MICU1: variants seen among roughly 807,000 people sequenced by gnomAD.
MICU1 encodes mitochondrial calcium uptake 1.
MICU1 carries 45 observed loss-of-function variants against 56.8 expected under a neutral mutation model. That is an observed-to-expected ratio of 0.79 (90% CI 0.62 to 1.02). The LOEUF is 1.02. Ranked by LOEUF, MICU1 falls within the 50% of genes least tolerant of loss-of-function variation. The probability of loss-of-function intolerance (pLI) is 0.00; values close to 1 mark genes in which losing one functional copy is unlikely to be tolerated. For missense variants in MICU1, 504 were observed against 587.1 expected, an observed-to-expected ratio of 0.86 and a Z score of 1.46; for synonymous variants, 186 against 195.1, an observed-to-expected ratio of 0.95 and a Z score of 0.39.
chr10:72,420,132 T>C (rs1041311099), intron 9 of MICU1, among the ~76,000 whole-genome samples: 2 of 152,212 alleles, frequency 1.3e-5, no homozygotes, highest in Non-Finnish European at 2.9e-5. Flanking sequence ...CGATCTCGGC[T>C]CACCGCAACC....
intron 1 of MICU1, among the ~76,000 whole-genome samples, chr10:72,598,681 C>A (rs1191952280): frequency 1.3e-5 from 2 of 151,964 alleles, no homozygotes; most frequent in African/African-American, 4.8e-5. Context: ...AGAGGAAATC[C>A]TGACAATGGT....
At chr10:72,549,976 T>C (rs1839994090) in intron 4 of MICU1, among the ~76,000 whole-genome samples, 1 of 150,260 alleles carries the variant, frequency 6.7e-6, no homozygotes, top group Admixed American at 6.6e-5. Context: ...CCTACTCCTA[T>C]ACCATATACA....
chr10:72,418,919 C>T (rs11000293), intron 9 of MICU1, among the ~76,000 whole-genome samples: 79,239 of 151,994 alleles, frequency 0.52, 22,158 homozygotes, highest in Non-Finnish European at 0.65. Context: ...ATCTTAATCT[C>T]GTTGCTAACA....
intron 8 of MICU1, among the ~76,000 whole-genome samples, chr10:72,435,661 C>CT (rs2132167951): frequency 6.6e-6 from 1 of 152,322 alleles, no homozygotes; most frequent in African/African-American, 2.4e-5. Context: ...GACAGACTGC[C>CT]TGGAAAAACG....
At chr10:72,382,690 C>A (rs1862755692) in intron 10 of MICU1, among the ~76,000 whole-genome samples, 4 of 152,108 alleles carry the variant, frequency 2.6e-5, no homozygotes, top group Admixed American at 2.6e-4. Context: ...AGGCAGATCA[C>A]CCGAGCTTAG....
At chr10:72,616,234 T>C (rs1330041306) in intron 1 of MICU1, among the ~76,000 whole-genome samples, 1 of 152,192 alleles carries the variant, frequency 6.6e-6, no homozygotes, top group African/African-American at 2.4e-5. Flanking sequence ...GTGTGCTTTC[T>C]TGTATTCCTA....
chr10:72,530,167 A>C (rs922405630), intron 5 of MICU1, among the ~76,000 whole-genome samples: 1 of 151,096 alleles, frequency 6.6e-6, no homozygotes, highest in Non-Finnish European at 1.5e-5. Context: ...GTCTCTACTA[A>C]AAATACAAAA....
At chr10:72,593,037 C>T (rs539347544) in intron 1 of MICU1, among the ~76,000 whole-genome samples, 4 of 151,970 alleles carry the variant, frequency 2.6e-5, no homozygotes, top group East Asian at 2.0e-4. Context: ...CCACCCACTT[C>T]GCCCTCCCAA....
chr10:72,520,863 T>C (rs1253661908), intron 5 of MICU1, among the ~76,000 whole-genome samples: 1 of 152,116 alleles, frequency 6.6e-6, no homozygotes, highest in African/African-American at 2.4e-5. Context: ...AACGAGGTAT[T>C]ATCAAAACTC....
intron 6 of MICU1, among the ~76,000 whole-genome samples, chr10:72,503,911 G>A (rs931440368): frequency 6.7e-6 from 1 of 149,446 alleles, no homozygotes; most frequent in African/African-American, 2.5e-5. Flanking sequence ...TACACCCTAG[G>A]AATATACGTG....
intron 4 of MICU1, among the ~76,000 whole-genome samples, chr10:72,550,145 G>A (rs1405309737): frequency 1.3e-5 from 2 of 152,146 alleles, no homozygotes; most frequent in East Asian, 3.9e-4. Flanking sequence ...TAAATTTAGT[G>A]TAGTCTAAGT....
At chr10:72,573,108 C>T (rs1295808049) in intron 1 of MICU1, among the ~76,000 whole-genome samples, 1 of 151,332 alleles carries the variant, frequency 6.6e-6, no homozygotes, top group African/African-American at 2.4e-5. Flanking sequence ...AAAGCAATAC[C>T]ACATAGCAAT....
At chr10:72,480,843 TTA>T (rs1866272010) in intron 6 of MICU1, among the ~76,000 whole-genome samples, 1 of 152,178 alleles carries the variant, frequency 6.6e-6, no homozygotes, top group Non-Finnish European at 1.5e-5. Context: ...ACTGAATGAG[TTA>T]TTCTAGCATA....
At position 72,484,206 on chromosome 10, in the gene MICU1, G is replaced by T. The variant is rs549411745; in HGVS notation, c.653-6950C>A. Among the ~76,000 whole-genome samples the T allele has an allele frequency of 2.6e-5, 4 of 152,290 alleles. No individual in the cohort carries two copies. In the South Asian group the frequency reaches 8.3e-4, roughly 32 times the overall value. On this transcript the variant is annotated intron_variant, in intron 6 of 11. Transcript: ENST00000361114. ...TCCCATATGATGTGCAATTTGAAAT[G>T]ATAAAATGGCAAGAAGTTTACATGG...
chr10:72,489,647 T>C (rs1866590550), intron 6 of MICU1, among the ~76,000 whole-genome samples: 1 of 152,228 alleles, frequency 6.6e-6, no homozygotes, highest in South Asian at 2.1e-4. Context: ...TTTTTATATT[T>C]AAAACCCATC....
chr10:72,488,106 T>C (rs998859679), intron 6 of MICU1, among the ~76,000 whole-genome samples: 1 of 151,388 alleles, frequency 6.6e-6, no homozygotes, highest in Non-Finnish European at 1.5e-5. Flanking sequence ...TGAGGCAGAA[T>C]TGCTTGAACC....
At chr10:72,403,876 C>T (rs879782891) in intron 10 of MICU1, among the ~76,000 whole-genome samples, 3 of 151,810 alleles carry the variant, frequency 2.0e-5, no homozygotes, top group East Asian at 3.9e-4. Flanking sequence ...AGGATGGTCT[C>T]GATCTCCTGA....
chr10:72,500,283 TATATATATATATATATA>T (rs1867003842), intron 6 of MICU1, among the ~76,000 whole-genome samples: 2 of 10,044 alleles, frequency 2.0e-4, no homozygotes, highest in African/African-American at 3.6e-4. Flanking sequence ...TATATATATA[TATATATATATATATATA>T]TATTTTTTTT....
intron 10 of MICU1, among the ~76,000 whole-genome samples, chr10:72,384,182 A>T (rs1305849028): frequency 1.3e-5 from 2 of 151,872 alleles, no homozygotes; most frequent in African/African-American, 4.8e-5. Flanking sequence ...TTTTGTAGAG[A>T]TGGGGTTTCA....
Sources: allele counts gnomAD v4.1 joint callset (sites outside exome capture counted in the v4.1 genomes callset), GRCh38; gene constraint gnomAD v4.1.1; transcripts MANE v1.5; gene names NCBI Gene and HGNC (gene_info 2026-07-23, HGNC 2026-07-21).